CATSPERB: variants seen among roughly 807,000 people sequenced by gnomAD.
The protein encoded by CATSPERB is cation channel sperm-associated auxiliary subunit beta.
In CATSPERB, 93 loss-of-function variants were observed where a neutral mutation model predicts 128.3. The ratio of observed to expected loss-of-function variants is 0.72; its 90% CI spans 0.61 to 0.86. The LOEUF is 0.86. CATSPERB is among the 40% of genes least tolerant of loss of function. The probability of loss-of-function intolerance (pLI) is 0.00; values close to 1 mark genes in which losing one functional copy is unlikely to be tolerated. For synonymous variants in CATSPERB, 381 were observed against 448.8 expected, an observed-to-expected ratio of 0.85 and a Z score of 1.91; for missense variants, 1,153 against 1,329.5, an observed-to-expected ratio of 0.87 and a Z score of 2.06.
Position 91,644,146 on chromosome 14 carries a change from G to C in CATSPERB, c.1433-4896C>G, listed in dbSNP as rs1339753199. Among the ~76,000 whole-genome samples, 8 of 132,910 alleles carry C rather than the reference G, an allele frequency of 6.0e-5. No homozygotes were observed. In the South Asian group the frequency reaches 1.5e-3, roughly 24 times the overall value. The allele number at this position is 132,910 out of a possible 152,430, so 87.2% of individuals were successfully genotyped here. On this transcript the variant is annotated intron_variant, in intron 15 of 26. Coordinates refer to ENST00000256343, the MANE Select transcript of CATSPERB (RefSeq NM_024764.4). ...GTTTCCTGAATACAGCACACTGATGGGTCTTGACTCTTTATCCAATTTGCC... is the reference window on the plus strand; with the variant it reads ...GTTTCCTGAATACAGCACACTGATGCGTCTTGACTCTTTATCCAATTTGCC...
intron 2 of CATSPERB, among the ~76,000 whole-genome samples, chr14:91,726,577 G>A (rs1053083848): frequency 6.6e-6 from 1 of 152,200 alleles, no homozygotes; most frequent in Non-Finnish European, 1.5e-5. Flanking sequence ...GTCCTCAAAG[G>A]TCTCTCTGAG....
intron 24 of CATSPERB, among the ~76,000 whole-genome samples, chr14:91,588,964 A>C (rs760734066): frequency 2.6e-5 from 4 of 152,238 alleles, no homozygotes; most frequent in Admixed American, 1.3e-4. Flanking sequence ...TGTTTAGTTA[A>C]TTATTTCTAT....
At chr14:91,584,130 G>A (rs181785072) in intron 26 of CATSPERB, among the ~76,000 whole-genome samples, 9 of 151,974 alleles carry the variant, frequency 5.9e-5, no homozygotes, top group African/African-American at 2.2e-4. Context: ...GTGCAGTGGT[G>A]CGATCTTGGC....
At chr14:91,589,767 G>T (rs1893365417) in intron 23 of CATSPERB, 98 bp from the exon 24 acceptor site, 1 of 1,134,764 alleles carries the variant, frequency 8.8e-7, no homozygotes. Context: ...CAATAGTTTG[G>T]CTGTTCAATG....
chr14:91,658,045 A>C (rs926846305), intron 15 of CATSPERB, among the ~76,000 whole-genome samples: 5 of 151,964 alleles, frequency 3.3e-5, no homozygotes, highest in African/African-American at 1.2e-4. Flanking sequence ...TATACCCCCC[A>C]AAAAAGAGAT....
At chr14:91,592,032 G>C (rs1271740992) in intron 22 of CATSPERB, 30 bp from the exon 23 acceptor site, 1 of 1,366,368 alleles carries the variant, frequency 7.3e-7, no homozygotes, top group Non-Finnish European at 1.0e-6. Context: ...ATGTTGACTT[G>C]TTTTTCTGCG....
chr14:91,710,988 T>A (rs1510220), intron 5 of CATSPERB, among the ~76,000 whole-genome samples: 2 of 152,146 alleles, frequency 1.3e-5, no homozygotes, highest in African/African-American at 4.8e-5. Flanking sequence ...CCATTCTGGA[T>A]GTAGCATATA....
chr14:91,663,078 C>T (rs1566722710), intron 14 of CATSPERB, among the ~76,000 whole-genome samples: 2 of 152,136 alleles, frequency 1.3e-5, no homozygotes, highest in Non-Finnish European at 2.9e-5. Flanking sequence ...CCTCCTCCCT[C>T]CTCCACCTCC....
intron 11 of CATSPERB, 86 bp from the exon 12 acceptor site, chr14:91,674,308 A>G: frequency 1.3e-6 from 1 of 749,250 alleles, no homozygotes; most frequent in South Asian, 1.8e-5. Flanking sequence ...GTCTTCATGA[A>G]AATCATAGAA....
At chr14:91,691,595 CAGA>C (rs1189325245) in intron 9 of CATSPERB, 40 bp from the exon 10 acceptor site, 1 of 1,509,426 alleles carries the variant, frequency 6.6e-7, no homozygotes, top group East Asian at 2.3e-5. Flanking sequence ...GCTTGCATAT[CAGA>C]AGGCCTAACA....
At chr14:91,584,302 C>T (rs975550529) in intron 26 of CATSPERB, among the ~76,000 whole-genome samples, 1 of 152,122 alleles carries the variant, frequency 6.6e-6, no homozygotes, top group African/African-American at 2.4e-5. Context: ...CTCCTGACCT[C>T]AAGTGATCTA....
At chr14:91,728,303 A>G (rs1409196594) in intron 2 of CATSPERB, among the ~76,000 whole-genome samples, 3 of 151,994 alleles carry the variant, frequency 2.0e-5, no homozygotes, top group Non-Finnish European at 4.4e-5. Flanking sequence ...TTTATAGAGA[A>G]GAGGTTTTGC....
At chr14:91,587,787 T>C (rs893343700) in intron 25 of CATSPERB, among the ~76,000 whole-genome samples, 191 bp downstream of exon 25, 2 of 152,232 alleles carry the variant, frequency 1.3e-5, no homozygotes, top group Non-Finnish European at 1.5e-5. Context: ...GCTCAAAACT[T>C]TGGAAATAAT....
chr14:91,589,260 ATTG>A (rs1355292987), intron 24 of CATSPERB, among the ~76,000 whole-genome samples: 1 of 152,244 alleles, frequency 6.6e-6, no homozygotes, highest in Non-Finnish European at 1.5e-5. Flanking sequence ...TCAGTCAGTC[ATTG>A]TTGTTATTGA....
intron 14 of CATSPERB, among the ~76,000 whole-genome samples, chr14:91,667,534 C>T (rs1895008037): frequency 6.6e-6 from 1 of 152,310 alleles, no homozygotes; most frequent in Admixed American, 6.5e-5. Context: ...AAGGCATATT[C>T]TTCTTATGTG....
At position 91,581,096 on chromosome 14, in the gene CATSPERB, A is replaced by G. The variant is rs1893200626; in HGVS notation, c.3144T>C (p.Asp1048=). 1 of 1,612,888 alleles carries G rather than the reference A, an allele frequency of 6.2e-7. No individual in the cohort carries two copies. The highest frequency in any genetic ancestry group is 1.3e-5 in the African/African-American group (1 of 74,920). Residue 1048 remains aspartate, a synonymous_variant, in exon 27 of 27, where the codon GAT becomes GAC. Coordinates refer to ENST00000256343, the MANE Select transcript of CATSPERB (RefSeq NM_024764.4). The stretch of plus-strand genomic sequence containing the variant: ...GTCCTGGGAATGGCAATGGTGCCTC[A>G]TCAACATAAATCTGCAACAGAAAAA... ...NLIEEFQIYV[D]EAPLPFPGHT...
chr14:91,588,484 G>A (rs1293545583), intron 24 of CATSPERB, among the ~76,000 whole-genome samples: 1 of 152,086 alleles, frequency 6.6e-6, no homozygotes, highest in African/African-American at 2.4e-5. Flanking sequence ...GACCTCCTTA[G>A]TGATAGGTAA....
At chr14:91,604,242 A>G (rs1341484526) in intron 22 of CATSPERB, among the ~76,000 whole-genome samples, 2 of 152,102 alleles carry the variant, frequency 1.3e-5, no homozygotes, top group African/African-American at 4.8e-5. Context: ...TTAGACTCCA[A>G]CCATACCCCA....
In CATSPERB at chr14:91,610,477, TACCGGC is replaced by T; in HGVS notation, c.2595_2598+2del. The T allele has an allele frequency of 6.2e-7, 1 of 1,608,270 alleles. No individual in the cohort carries two copies. The highest frequency in any genetic ancestry group is 1.7e-5 in the Admixed American group (1 of 58,820). On this transcript the variant is annotated splice_donor_variant and coding_sequence_variant, in exon 21 of 27. Coordinates refer to ENST00000256343, the MANE Select transcript of CATSPERB (RefSeq NM_024764.4). LOFTEE classifies it high-confidence loss of function. ...ACCAATATACTTAGATTTTTTTTTT[TACCGGC>T]AAAGTTTTGATGAGGTTAAAACCCT...
Sources: gnomAD v4.1 joint callset for allele counts (sites outside exome capture counted in the v4.1 genomes callset) on GRCh38, gnomAD v4.1.1 for gene constraint, MANE v1.5 for transcripts, NCBI Gene and HGNC (gene_info 2026-07-23, HGNC 2026-07-21) for gene names.